MGST1: variants seen among roughly 807,000 people sequenced by gnomAD.
The protein encoded by MGST1 is glutathione S-transferase 12.
MGST1 carries 5 observed loss-of-function variants against 8.9 expected under a neutral mutation model. The observed-to-expected ratio is 0.56, with a 90% CI of 0.29 to 1.19. The LOEUF (loss-of-function observed/expected upper bound fraction) is 1.19. MGST1 is among the 50% of genes most tolerant of loss of function. The pLI is 0.08. For missense variants in MGST1, 182 were observed against 187.4 expected, an observed-to-expected ratio of 0.97 and a Z score of 0.17; for synonymous variants, 54 against 67.8, an observed-to-expected ratio of 0.80 and a Z score of 1.00.
chr12:16,497,719 C>T lies in MGST1; in HGVS notation n.483-91809C>T, dbSNP rs1165523067. Among the ~76,000 whole-genome samples, 1 of 152,066 alleles carries T rather than the reference C, an allele frequency of 6.6e-6. No homozygotes were observed. The highest frequency in any genetic ancestry group is 2.4e-5 in the African/African-American group (1 of 41,430). On this transcript the variant is annotated intron_variant and non_coding_transcript_variant, in intron 4 of 4. Transcript: ENST00000538857. This position sits in a 1 kb window ranked among gnomAD's most constrained non-coding sequence, Gnocchi z 4.4. ...TTCCTTACCTATAACCATTTTTCAC[C>T]TGTTAATCGTTCTGGTTGTAGCCAT...
At chr12:16,364,572 C>A (rs1055835012), downstream of MGST1, among the ~76,000 whole-genome samples, 3 of 152,082 alleles carry the variant, frequency 2.0e-5, no homozygotes, top group Non-Finnish European at 2.9e-5. This position sits in a 1 kb window ranked among gnomAD's most constrained non-coding sequence, Gnocchi z 5.7. Context: ...TTCTTTTTCT[C>A]TGAAACATCT....
intron 4 of MGST1, among the ~76,000 whole-genome samples, chr12:16,556,660 A>G (rs1006912182): frequency 3.9e-5 from 6 of 152,206 alleles, no homozygotes; most frequent in Non-Finnish European, 8.8e-5. Context: ...TGCGACAATG[A>G]TTTGGCTACT....
intron 4 of MGST1, among the ~76,000 whole-genome samples, chr12:16,557,437 T>C (rs1052886914): frequency 2.0e-5 from 3 of 151,776 alleles, no homozygotes; most frequent in Non-Finnish European, 2.9e-5. Flanking sequence ...CGTAGTTTTG[T>C]AGATTTCTGC....
intron 1 of MGST1, among the ~76,000 whole-genome samples, chr12:16,392,494 T>A (rs1262653411): frequency 6.6e-6 from 1 of 152,232 alleles, no homozygotes; most frequent in Non-Finnish European, 1.5e-5. Context: ...TTCCCCAGGC[T>A]AACTGGTAGT....
At chr12:16,535,457 G>A (rs963665220) in intron 4 of MGST1, among the ~76,000 whole-genome samples, 3 of 152,182 alleles carry the variant, frequency 2.0e-5, no homozygotes, top group Non-Finnish European at 2.9e-5. Flanking sequence ...ACTCACAATT[G>A]TGCTGGATCA....
chr12:16,375,695 ACT>A (rs1196522802), intron 3 of MGST1, among the ~76,000 whole-genome samples: 2 of 151,876 alleles, frequency 1.3e-5, no homozygotes, highest in Admixed American at 1.3e-4. Context: ...ATACGTAGAA[ACT>A]CTGTACTACT....
intron 3 of MGST1, among the ~76,000 whole-genome samples, chr12:16,375,462 G>A (rs931216125): frequency 1.3e-5 from 2 of 152,092 alleles, no homozygotes; most frequent in Non-Finnish European, 2.9e-5. Flanking sequence ...GGAACTATCC[G>A]AAGTGGTCTT....
At chr12:16,441,578 C>T (rs140658236), downstream of MGST1, among the ~76,000 whole-genome samples, 89 of 151,944 alleles carry the variant, frequency 5.9e-4, no homozygotes, top group Admixed American at 2.6e-3. Flanking sequence ...TAGTTGAAAT[C>T]GCACAGTATG....
chr12:16,351,771 C>G (rs980638537), intron 1 of MGST1, among the ~76,000 whole-genome samples: 1 of 152,082 alleles, frequency 6.6e-6, no homozygotes, highest in African/African-American at 2.4e-5. Flanking sequence ...GATTGCACCA[C>G]TGCACTGCAG....
intron 4 of MGST1, among the ~76,000 whole-genome samples, chr12:16,522,469 T>C (rs1366867870): frequency 6.6e-6 from 1 of 152,060 alleles, no homozygotes; most frequent in African/African-American, 2.4e-5. Context: ...CAAGGTAATG[T>C]TATGGTACTT....
chr12:16,352,767 TA>T (rs1939526873), intron 1 of MGST1, among the ~76,000 whole-genome samples: 4 of 152,202 alleles, frequency 2.6e-5, no homozygotes, highest in African/African-American at 9.6e-5. Flanking sequence ...AAGGATCATG[TA>T]AAGCTAATTC....
chr12:16,563,884 A>ATAGAT (rs1725999087), intron 4 of MGST1, among the ~76,000 whole-genome samples: 1 of 152,232 alleles, frequency 6.6e-6, no homozygotes, highest in South Asian at 2.1e-4. Context: ...AAGATGTCTT[A>ATAGAT]TAGATTATTA....
chr12:16,493,280 A>G (rs1941450729), intron 4 of MGST1, among the ~76,000 whole-genome samples: 1 of 152,172 alleles, frequency 6.6e-6, no homozygotes, highest in Non-Finnish European at 1.5e-5. Flanking sequence ...TTGGACTTCA[A>G]AATTGCATAA....
chr12:16,573,090 T>C (rs929607127), intron 4 of MGST1, among the ~76,000 whole-genome samples: 7 of 152,246 alleles, frequency 4.6e-5, no homozygotes, highest in African/African-American at 1.7e-4. Flanking sequence ...ACCTTTTTTT[T>C]TTCCTATGAA....
chr12:16,413,427 G>C lies in MGST1; in HGVS notation n.779-23961G>C, dbSNP rs1221167007. ...CATCCAAGCAGCCCCATTGTGAACA[G>C]AACACTCAATTTTTAATGGTACAGG... On this transcript the variant is annotated intron_variant and non_coding_transcript_variant, in intron 1 of 1. Transcript: ENST00000359720. This position sits in a 1 kb window ranked among gnomAD's most constrained non-coding sequence, Gnocchi z 4.0. Among the ~76,000 whole-genome samples the C allele has an allele frequency of 1.3e-5, 2 of 152,218 alleles. No individual in the cohort carries two copies. The highest frequency in any genetic ancestry group is 2.9e-5 in the Non-Finnish European group (2 of 68,046).
intron 1 of MGST1, among the ~76,000 whole-genome samples, chr12:16,426,294 A>G (rs1327499975): frequency 6.6e-6 from 1 of 152,164 alleles, no homozygotes; most frequent in Non-Finnish European, 1.5e-5. Context: ...TGGTTTTGTA[A>G]CAACTGTTCA....
chr12:16,437,954 C>T (rs1941003194), exon 2 of MGST1: 1 of 151,838 alleles, frequency 6.6e-6, no homozygotes, highest in Non-Finnish European at 1.5e-5. Flanking sequence ...ACAGGGTCCA[C>T]ATAGTTTTAA....
At chr12:16,360,333 AC>A (rs1939932924) in intron 3 of MGST1, 1 of 985,122 alleles carries the variant, frequency 1.0e-6, no homozygotes, top group Non-Finnish European at 1.2e-6. Flanking sequence ...GCATATTTGA[AC>A]GGCAGAGCCA....
intron 1 of MGST1, among the ~76,000 whole-genome samples, chr12:16,399,094 G>A (rs575681457): frequency 2.6e-5 from 4 of 152,276 alleles, no homozygotes; most frequent in South Asian, 4.1e-4. Context: ...CCATTGGCAC[G>A]TGTCCTGGTG....
Sources: allele counts gnomAD v4.1 joint callset (sites outside exome capture counted in the v4.1 genomes callset), GRCh38; gene constraint gnomAD v4.1.1; non-coding constraint Gnocchi (gnomAD v3.1); transcripts MANE v1.5; gene names NCBI Gene and HGNC (gene_info 2026-07-23, HGNC 2026-07-21).